RBFOX1: variants seen among roughly 807,000 people sequenced by gnomAD.
RBFOX1 encodes the protein RNA binding fox-1 homolog 1.
Under a neutral mutation model 57.7 loss-of-function variants are expected in RBFOX1, and 8 were observed. That is an observed-to-expected ratio of 0.14 (90% confidence interval 0.08 to 0.25). The LOEUF is 0.25. Among genes scored for constraint, RBFOX1 ranks in the 10% least tolerant of loss-of-function variants. RBFOX1 has a pLI of 1.00. For synonymous variants in RBFOX1, 326 were observed against 222.4 expected (o/e 1.47, Z -4.15); for missense variants, 611 against 548.5 (o/e 1.11, Z -1.14).
chr16:6,518,601 C>G (rs769214933), intron 2 of RBFOX1, among the ~76,000 whole-genome samples: 4 of 152,174 alleles, frequency 2.6e-5, no homozygotes, highest in Non-Finnish European at 5.9e-5. Flanking sequence ...ATTCAGACCA[C>G]TTACTGCCTC....
intron 3 of RBFOX1, among the ~76,000 whole-genome samples, chr16:6,667,948 C>G (rs1278175503): frequency 6.6e-6 from 1 of 152,036 alleles, no homozygotes; most frequent in Non-Finnish European, 1.5e-5. Flanking sequence ...CTTAAATCTG[C>G]TTTCGTCCTA....
At chr16:7,207,618 C>T (rs1343429314) in intron 4 of RBFOX1, among the ~76,000 whole-genome samples, 8 of 152,176 alleles carry the variant, frequency 5.3e-5, no homozygotes, top group Admixed American at 5.2e-4. Flanking sequence ...AACAGTGCTC[C>T]TTGCTGAGAA....
At chr16:7,071,666 C>A (rs1391125801) in intron 4 of RBFOX1, among the ~76,000 whole-genome samples, 4 of 150,536 alleles carry the variant, frequency 2.7e-5, no homozygotes, top group African/African-American at 9.8e-5. Flanking sequence ...TACATACATA[C>A]ATATATATAT....
intron 4 of RBFOX1, among the ~76,000 whole-genome samples, chr16:7,383,072 A>G (rs2097807370): frequency 6.6e-6 from 1 of 152,150 alleles, no homozygotes; most frequent in African/African-American, 2.4e-5. Context: ...AGAAAAAAAA[A>G]TGCAATATCC....
rs145866401 is a variant in RBFOX1 at position 6,146,187 on chromosome 16, G to A, written c.-127+126195G>A. ...TCCCATGGGTCTGGTGCTGTGGGAG[G>A]GGGTGGAGGCAGGAGAAGCCAGGAG... On this transcript the variant is annotated intron_variant, in intron 1 of 15. Transcript: ENST00000550418. 1.8e-3 allele frequency among the ~76,000 whole-genome samples: 278 copies of A among 152,308 alleles called. 1 individual carries two copies. Among genetic ancestry groups the A allele is most frequent in the African/African-American group, 6.4e-3 (266 of 41,572 alleles).
chr16:6,655,067 C>G (rs917035234), intron 3 of RBFOX1, among the ~76,000 whole-genome samples: 2 of 151,672 alleles, frequency 1.3e-5, no homozygotes, highest in Non-Finnish European at 2.9e-5. Context: ...ATATATCTGA[C>G]TCATACACTT....
chr16:6,788,966 A>C (rs2082445325), intron 3 of RBFOX1, among the ~76,000 whole-genome samples: 1 of 152,106 alleles, frequency 6.6e-6, no homozygotes, highest in Non-Finnish European at 1.5e-5. Context: ...TTTCCGCCGC[A>C]CAATGGGACA....
chr16:6,833,523 T>A (rs1255857995), intron 3 of RBFOX1, among the ~76,000 whole-genome samples: 1 of 152,132 alleles, frequency 6.6e-6, no homozygotes, highest in Non-Finnish European at 1.5e-5. Flanking sequence ...CTTCCCAGAC[T>A]GGAATGCCAG....
At chr16:7,566,555 C>T (rs2091730431) in intron 5 of RBFOX1, among the ~76,000 whole-genome samples, 1 of 152,146 alleles carries the variant, frequency 6.6e-6, no homozygotes, top group South Asian at 2.1e-4. Context: ...CCTAACCTCT[C>T]TGAGCCTCAG....
rs527366505 is a variant in RBFOX1 at position 5,616,956 on chromosome 16, T to G, written c.318+17995T>G. On this transcript the variant is annotated intron_variant, in intron 3 of 19. Coordinates refer to the RBFOX1 transcript ENST00000641259. ...GCTTTCTTTTAATTAAATAGATACT[T>G]ATTGGCAGTACCCTTATTTGTTCCA... Among the ~76,000 whole-genome samples the G allele has an allele frequency of 2.8e-3, 424 of 150,140 alleles. 2 individuals are homozygous for G. The highest frequency in any genetic ancestry group is 9.9e-3 in the African/African-American group (404 of 40,926).
At chr16:5,953,001 T>TA (rs945247853) in intron 4 of RBFOX1, among the ~76,000 whole-genome samples, 3 of 151,740 alleles carry the variant, frequency 2.0e-5, no homozygotes, top group Non-Finnish European at 2.9e-5. Flanking sequence ...CTTTTGGAAA[T>TA]ACAATGGCAG....
At chr16:6,106,869 C>T (rs2096386992) in intron 1 of RBFOX1, among the ~76,000 whole-genome samples, 3 of 151,912 alleles carry the variant, frequency 2.0e-5, no homozygotes. Flanking sequence ...GACGGGGTTT[C>T]ACTGTGTTAG....
chr16:5,488,095 A>G (rs1442748600), intron 2 of RBFOX1, among the ~76,000 whole-genome samples: 1 of 148,962 alleles, frequency 6.7e-6, no homozygotes, highest in Non-Finnish European at 1.5e-5. Context: ...TATGGTGATG[A>G]TGGTGATGGT....
chr16:5,925,967 A>C (rs1336323827), intron 4 of RBFOX1, among the ~76,000 whole-genome samples: 1 of 151,962 alleles, frequency 6.6e-6, no homozygotes, highest in African/African-American at 2.4e-5. Context: ...TACCTTTCCT[A>C]TTGTCTATTG....
Position 7,090,139 on chromosome 16 carries a change from A to C in RBFOX1, c.27+38041A>C, listed in dbSNP as rs1300161498. On this transcript the variant is annotated intron_variant, in intron 4 of 15. Transcript: ENST00000550418. ...GTTTAAGAGCTCATCTTGCTTTAGGAAAATGAGCCTCAGCTACATTGATGT... is the reference window on the plus strand; with the variant it reads ...GTTTAAGAGCTCATCTTGCTTTAGGCAAATGAGCCTCAGCTACATTGATGT... Among the ~76,000 whole-genome samples the C allele has an allele frequency of 3.9e-5, 6 of 152,344 alleles. No homozygotes were observed. In the East Asian group the frequency reaches 1.2e-3, roughly 29 times the overall value.
intron 1 of RBFOX1, among the ~76,000 whole-genome samples, chr16:6,275,188 G>A (rs9944309): frequency 0.064 from 9,702 of 152,092 alleles, 376 homozygotes; most frequent in Middle Eastern, 0.15. Flanking sequence ...GCGGGCGCCT[G>A]TAGTCCCAGC....
chr16:5,933,303 G>C (rs188813255), intron 4 of RBFOX1, among the ~76,000 whole-genome samples: 4 of 152,214 alleles, frequency 2.6e-5, no homozygotes, highest in African/African-American at 9.7e-5. Flanking sequence ...GTCAAGGGGA[G>C]TCAATTGATT....
intron 3 of RBFOX1, among the ~76,000 whole-genome samples, chr16:6,767,947 T>TAATAATAATAAGAAGAAGAAGAAGAAG (rs1410744665): frequency 2.5e-4 from 25 of 101,034 alleles, no homozygotes; most frequent in African/African-American, 8.9e-4. Context: ...ATAATAATAA[T>TAATAATAATAAGAAGAAGAAGAAGAAG]AAGAAGAAGA....
chr16:5,992,112 G>T (rs2060410245), intron 4 of RBFOX1, among the ~76,000 whole-genome samples: 1 of 151,684 alleles, frequency 6.6e-6, no homozygotes, highest in African/African-American at 2.4e-5. Flanking sequence ...TGATCTTTGG[G>T]AATTGAATTA....
Sources: gnomAD v4.1 joint callset for allele counts (sites outside exome capture counted in the v4.1 genomes callset) on GRCh38, gnomAD v4.1.1 for gene constraint, MANE v1.5 for transcripts, NCBI Gene and HGNC (gene_info 2026-07-23, HGNC 2026-07-21) for gene names.